The following GRIN2A variants were observed in gnomAD, a reference collection of about 807,000 sequenced individuals.
The protein encoded by GRIN2A is glutamate ionotropic receptor NMDA type subunit 2A, also known as glutamate receptor ionotropic, NMDA 2A.
Under a neutral mutation model 113.4 loss-of-function variants are expected in GRIN2A, and 22 were observed. The ratio of observed to expected loss-of-function variants is 0.19; its 90% CI spans 0.14 to 0.28. The LOEUF (loss-of-function observed/expected upper bound fraction) is 0.28, where lower values mean the gene tolerates loss of function less well. Ranked by LOEUF, GRIN2A falls within the 10% of genes least tolerant of loss-of-function variation. The probability of loss-of-function intolerance (pLI) is 1.00; values close to 1 mark genes in which losing one functional copy is unlikely to be tolerated. For missense variants in GRIN2A, 1,502 were observed against 1,887.0 expected (o/e 0.80, Z 3.78); for synonymous variants, 827 against 738.4 (o/e 1.12, Z -1.94).
intron 4 of GRIN2A, among the ~76,000 whole-genome samples, chr16:9,871,415 G>A (rs75801938): frequency 0.011 from 1,348 of 127,120 alleles, 17 homozygotes; most frequent in Non-Finnish European, 0.016. Context: ...TAGACTTTTA[G>A]AAATCCACTG....
chr16:9,926,804 T>A (rs989668707), intron 3 of GRIN2A, among the ~76,000 whole-genome samples: 16 of 152,112 alleles, frequency 1.1e-4, no homozygotes, highest in African/African-American at 3.9e-4. Flanking sequence ...GGTCAGGATA[T>A]GGGATTATTA....
chr16:10,116,020 G>A (rs903097530), intron 2 of GRIN2A, among the ~76,000 whole-genome samples: 12 of 152,096 alleles, frequency 7.9e-5, no homozygotes, highest in African/African-American at 2.7e-4. Flanking sequence ...ACATGCACAC[G>A]TATGTTTATT....
rs1291419494 is a variant in GRIN2A, at chr16:10,182,373, T to C, written c.-515A>G. 1 of 152,022 alleles carries C rather than the reference T, an allele frequency of 6.6e-6. No individual in the cohort carries two copies. The highest frequency in any genetic ancestry group is 1.5e-5 in the Non-Finnish European group (1 of 68,010). 9.4% of individuals were successfully genotyped at this position (152,022 alleles called of 1,614,324 possible). On this transcript the variant is annotated 5_prime_UTR_variant, in exon 1 of 13. Transcript: ENST00000330684. ...CCCCTACCACCTCCCCAGCGCCGGC[T>C]GCTGGGAGTTGTGCGACCGGGAGCT...
chr16:10,024,510 G>A (rs1415863530), intron 2 of GRIN2A, among the ~76,000 whole-genome samples: 1 of 152,176 alleles, frequency 6.6e-6, no homozygotes, highest in Admixed American at 6.5e-5. Context: ...GAGCCAACGT[G>A]CCCAGCCAAT....
intron 2 of GRIN2A, among the ~76,000 whole-genome samples, chr16:10,086,900 G>A (rs1465813408): frequency 6.6e-6 from 1 of 152,208 alleles, no homozygotes; most frequent in African/African-American, 2.4e-5. Context: ...GATCCAGAAT[G>A]AGCCCAGAGG....
In GRIN2A at chr16:9,849,203, T is replaced by C. The variant is rs1157539075; in HGVS notation, c.1328+553A>G. 3.5e-5 allele frequency among the ~76,000 whole-genome samples: 5 copies of C among 143,924 alleles called. No individual in the cohort carries two copies. In the East Asian group the frequency reaches 7.9e-4, roughly 23 times the overall value. 94.4% of individuals were successfully genotyped at this position (143,924 alleles called of 152,430 possible). ...TATATATTTAAATATATAAAATATATAATTTCTATATATTTATATATAATG... is the reference window on the plus strand; with the variant it reads ...TATATATTTAAATATATAAAATATACAATTTCTATATATTTATATATAATG... On this transcript the variant is annotated intron_variant, in intron 5 of 12. Transcript: ENST00000330684.
At chr16:9,777,595 G>T (rs113481160) in intron 11 of GRIN2A, among the ~76,000 whole-genome samples, 56 of 152,318 alleles carry the variant, frequency 3.7e-4, no homozygotes, top group Non-Finnish European at 6.6e-4. Flanking sequence ...GCTGTCTTTG[G>T]CATAAATGTT....
intron 10 of GRIN2A, among the ~76,000 whole-genome samples, chr16:9,814,744 G>T (rs545861104): frequency 6.6e-6 from 1 of 152,250 alleles, no homozygotes; most frequent in African/African-American, 2.4e-5. Flanking sequence ...TCTTGGCCGG[G>T]TGCGGTGGCT....
intron 3 of GRIN2A, among the ~76,000 whole-genome samples, chr16:9,907,917 G>T (rs1209106130): frequency 6.6e-6 from 1 of 152,148 alleles, no homozygotes; most frequent in Admixed American, 6.5e-5. Flanking sequence ...CTGAGCCCTC[G>T]CTGCGTGCCC....
intron 11 of GRIN2A, among the ~76,000 whole-genome samples, chr16:9,785,900 C>T (rs983758804): frequency 2.0e-5 from 3 of 152,102 alleles, no homozygotes; most frequent in Non-Finnish European, 2.9e-5. Flanking sequence ...ATTTTTATAT[C>T]CCACCACCTG....
chr16:9,787,622 C>T (rs1197084730), intron 11 of GRIN2A, among the ~76,000 whole-genome samples: 2 of 152,214 alleles, frequency 1.3e-5, no homozygotes, highest in African/African-American at 4.8e-5. Flanking sequence ...GAATATTTTA[C>T]AGAGTTTGGC....
chr16:9,938,738 C>T (rs1434563667), intron 2 of GRIN2A, among the ~76,000 whole-genome samples, 187 bp from the exon 3 acceptor site: 1 of 152,174 alleles, frequency 6.6e-6, no homozygotes. Flanking sequence ...AGCCCCTGTA[C>T]TCAGGAGCTC....
chr16:9,816,698 C>G (rs2042193235), intron 10 of GRIN2A, among the ~76,000 whole-genome samples: 1 of 152,226 alleles, frequency 6.6e-6, no homozygotes, highest in Non-Finnish European at 1.5e-5. Flanking sequence ...AGCTTCAGCT[C>G]CCTCTTCTAG....
Position 9,898,054 on chromosome 16 carries a change from CT to C in GRIN2A, c.1008-6955del, listed in dbSNP as rs71402414. The stretch of plus-strand genomic sequence containing the variant: ...TTAAAATCTACTGAGCCTCCATTTC[CT>C]TTTTTTTTTTTTTTTTTTTTGCAAA... On this transcript the variant is annotated intron_variant, in intron 3 of 12. Transcript: ENST00000330684. Among the ~76,000 whole-genome samples, 64 of 109,706 alleles carry C rather than the reference CT, an allele frequency of 5.8e-4. 2 individuals are homozygous for C. The highest frequency in any genetic ancestry group is 4.5e-3 in the East Asian group (17 of 3,742). 72.0% of individuals were successfully genotyped at this position (109,706 alleles called of 152,430 possible).
At chr16:9,818,495 A>T (rs1215570640) in intron 10 of GRIN2A, among the ~76,000 whole-genome samples, 3 of 152,140 alleles carry the variant, frequency 2.0e-5, no homozygotes, top group Non-Finnish European at 1.5e-5. Flanking sequence ...CTGCATGGAA[A>T]AAAAAAAGCA....
chr16:9,978,076 T>C (rs1200692666), intron 2 of GRIN2A, among the ~76,000 whole-genome samples: 1 of 152,158 alleles, frequency 6.6e-6, no homozygotes, highest in Non-Finnish European at 1.5e-5. Flanking sequence ...TTCTGAGCCT[T>C]TTCTTCCATG....
At chr16:9,976,300 C>A (rs2045772326) in intron 2 of GRIN2A, among the ~76,000 whole-genome samples, 1 of 152,186 alleles carries the variant, frequency 6.6e-6, no homozygotes, top group Non-Finnish European at 1.5e-5. Context: ...CACCTAAAGC[C>A]ATCTCATTTA....
At chr16:9,910,002 A>C (rs1211103208) in intron 3 of GRIN2A, among the ~76,000 whole-genome samples, 2 of 152,186 alleles carry the variant, frequency 1.3e-5, no homozygotes, top group Admixed American at 1.3e-4. Flanking sequence ...CACGTAGCCT[A>C]ATGTTTTCAA....
chr16:10,119,776 T>C (rs2048798199), intron 2 of GRIN2A, among the ~76,000 whole-genome samples: 1 of 152,166 alleles, frequency 6.6e-6, no homozygotes, highest in Admixed American at 6.5e-5. Context: ...GTTGTTCCCC[T>C]CCCTATGTCC....
Sources: gnomAD v4.1 joint callset for allele counts (sites outside exome capture counted in the v4.1 genomes callset) on GRCh38, gnomAD v4.1.1 for gene constraint, MANE v1.5 for transcripts, NCBI Gene and HGNC (gene_info 2026-07-23, HGNC 2026-07-21) for gene names.